CFAP69: variants seen among roughly 807,000 people sequenced by gnomAD.
CFAP69 encodes cilia- and flagella-associated protein 69.
Under a neutral mutation model 123.0 loss-of-function variants are expected in CFAP69, and 92 were observed. The ratio of observed to expected loss-of-function variants is 0.75; its 90% CI spans 0.63 to 0.89. CFAP69 has a LOEUF of 0.89. Among genes scored for constraint, CFAP69 ranks in the 40% least tolerant of loss-of-function variants. CFAP69 has a pLI of 0.00. For missense variants in CFAP69, 1,067 were observed against 1,096.9 expected, an observed-to-expected ratio of 0.97 and a Z score of 0.39; for synonymous variants, 380 against 364.3, an observed-to-expected ratio of 1.04 and a Z score of -0.49.
chr7:90,268,610 G>A (rs1459119085), intron 6 of CFAP69, among the ~76,000 whole-genome samples: 1 of 152,076 alleles, frequency 6.6e-6, no homozygotes, highest in East Asian at 1.9e-4. Flanking sequence ...GAACAAATTT[G>A]TAAAGTGATG....
At chr7:90,271,443 C>T in intron 6 of CFAP69, 83 bp from the exon 7 acceptor site, 1 of 1,408,944 alleles carries the variant, frequency 7.1e-7, no homozygotes, top group Admixed American at 2.3e-5. Flanking sequence ...CTTGCTGTTG[C>T]TTAATAATAA....
At chr7:90,307,934 T>G in intron 21 of CFAP69, 80 bp downstream of exon 21, 1 of 881,198 alleles carries the variant, frequency 1.1e-6, no homozygotes, top group Admixed American at 2.6e-5. Context: ...CAAATATTCA[T>G]TCATTTTTTC....
At chr7:90,270,595 G>A (rs1057000742) in intron 6 of CFAP69, among the ~76,000 whole-genome samples, 2 of 151,958 alleles carry the variant, frequency 1.3e-5, no homozygotes, top group African/African-American at 4.8e-5. Context: ...TCACAGCATT[G>A]GACAGGGCCT....
chr7:90,267,317 G>T (rs937368033), intron 5 of CFAP69, among the ~76,000 whole-genome samples: 3 of 152,046 alleles, frequency 2.0e-5, no homozygotes, highest in African/African-American at 7.2e-5. Context: ...TGAGCGTCTT[G>T]CAAGGGCTAA....
the CFAP69 span, chr7:90,320,784 T>TTA: frequency 1.3e-5 from 2 of 152,362 alleles, 1 homozygote; most frequent in Non-Finnish European, 2.9e-5. Flanking sequence ...TCATTTCACA[T>TTA]CGTCGAAAAT....
Position 90,274,065 on chromosome 7 carries a change from A to AGCT in CFAP69, c.940_941insCTG (p.Leu313_Val314insAla). 6.2e-7 allele frequency: 1 copy of AGCT among 1,605,810 alleles called. No homozygotes were observed. Among genetic ancestry groups the AGCT allele is most frequent in the Non-Finnish European group, 8.5e-7 (1 of 1,176,900 alleles). On this transcript the variant is annotated inframe_insertion, in exon 9 of 23. Coordinates refer to ENST00000389297, the MANE Select transcript of CFAP69 (RefSeq NM_001039706.3). Reference sequence around the variant, plus strand: ...ACCGTCAGCTTAGAAATGACATATTAGTGATCACTACAATTATAGCTCAAA... The same window carrying AGCT: ...ACCGTCAGCTTAGAAATGACATATTAGCTGTGATCACTACAATTATAGCTCAAA...
Position 90,279,702 on chromosome 7 carries a change from T to G in CFAP69, c.1181T>G (p.Leu394Trp). 2 of 1,604,512 alleles carry G rather than the reference T, an allele frequency of 1.2e-6. No homozygotes were observed. The highest frequency in any genetic ancestry group is 1.7e-6 in the Non-Finnish European group (2 of 1,176,924). Reference sequence around the variant, plus strand: ...CTATTAATTGATGGCAAAGTTATTTTGGCTTTGTTTACCTATGTTAAGAAG... The same window carrying G: ...CTATTAATTGATGGCAAAGTTATTTGGGCTTTGTTTACCTATGTTAAGAAG... ...VQLLIDGKVI[L>W]ALFTYVKKPE... is the part of the protein sequence containing the mutation. The change falls in exon 12 of 23, where the codon TTG (leucine) becomes TGG (tryptophan). Residue 394 changes from leucine (L) to tryptophan (W), a missense_variant. Transcript: ENST00000389297.
chr7:90,308,547 T>C (rs1272099319), intron 21 of CFAP69, among the ~76,000 whole-genome samples: 1 of 152,128 alleles, frequency 6.6e-6, no homozygotes, highest in African/African-American at 2.4e-5. Flanking sequence ...CCTATAGATA[T>C]AAAATTGCTA....
downstream of CFAP69, among the ~76,000 whole-genome samples, chr7:90,311,308 A>C (rs28945136): frequency 0.018 from 2,741 of 152,310 alleles, 29 homozygotes; most frequent in Middle Eastern, 0.034. Flanking sequence ...CAGAGAGACA[A>C]GGACCTGTTT....
intron 18 of CFAP69, chr7:90,304,392 T>C (rs1793241100): frequency 8.2e-7 from 1 of 1,213,770 alleles, no homozygotes; most frequent in East Asian, 4.2e-5. Flanking sequence ...AATACTGACA[T>C]TCTGAGTCAC....
At chr7:90,295,950 A>AT in intron 15 of CFAP69, among the ~76,000 whole-genome samples, 1 of 152,242 alleles carries the variant, frequency 6.6e-6, no homozygotes, top group South Asian at 2.1e-4. Flanking sequence ...TTTTGTCAGC[A>AT]TCTTGGTTTT....
Position 90,299,153 on chromosome 7 carries a change from C to T in CFAP69, c.1858-714C>T, listed in dbSNP as rs12533156. ...ATTAAAACAAAAGCTTACATATTTCCTTTGCTATATTCAAATAACAGTATA... is the reference window on the plus strand; with the variant it reads ...ATTAAAACAAAAGCTTACATATTTCTTTTGCTATATTCAAATAACAGTATA... On this transcript the variant is annotated intron_variant, in intron 16 of 22. Transcript: ENST00000389297. Among the ~76,000 whole-genome samples the T allele has an allele frequency of 9.2e-5, 14 of 152,188 alleles. No homozygotes were observed. In the East Asian group the frequency reaches 2.7e-3, roughly 29 times the overall value.
rs527245294 is a variant in CFAP69 at position 90,304,084 on chromosome 7, T to G, written c.2166T>G (p.Ile722Met). The G allele has an allele frequency of 4.1e-5, 63 of 1,550,498 alleles. No individual in the cohort carries two copies. In the Admixed American group the frequency reaches 4.5e-4, roughly 11 times the overall value. Residue 722 changes from isoleucine (I) to methionine (M), a missense_variant, in exon 18 of 23, where the codon ATT (isoleucine) becomes ATG (methionine). Physicochemically the swap from Ile to Met is conservative, Grantham distance 10 (BLOSUM62 1). Coordinates refer to ENST00000389297, the MANE Select transcript of CFAP69 (RefSeq NM_001039706.3). Reference protein sequence around the residue: ...MDVSENIRAKIYAILGKLDFE... With the variant: ...MDVSENIRAKMYAILGKLDFE... ...TTTCTGAGAATATTAGAGCAAAAAT[T>G]TATGCTATATTGGGCAAACTAGGTA... is the stretch of plus-strand genomic sequence containing the variant.
chr7:90,250,778 C>G (rs114464677), intron 1 of CFAP69, among the ~76,000 whole-genome samples: 43 of 152,192 alleles, frequency 2.8e-4, no homozygotes, highest in African/African-American at 1.0e-3. Flanking sequence ...ATTCAGAAAC[C>G]TCTGCCCCAA....
intron 16 of CFAP69, among the ~76,000 whole-genome samples, chr7:90,299,208 C>G (rs531300159): frequency 9.9e-5 from 15 of 152,200 alleles, no homozygotes; most frequent in African/African-American, 3.6e-4. Context: ...AAAAGTATTT[C>G]ACATAGAAGA....
At chr7:90,252,029 A>G (rs1797073279) in intron 1 of CFAP69, 1 of 151,768 alleles carries the variant, frequency 6.6e-6, no homozygotes. Flanking sequence ...AAAAAAAAAA[A>G]TCCTGCATTG....
intron 3 of CFAP69, among the ~76,000 whole-genome samples, chr7:90,258,873 A>T (rs1171501702): frequency 6.6e-6 from 1 of 152,192 alleles, no homozygotes; most frequent in Middle Eastern, 3.2e-3. Flanking sequence ...ATTCAGAAAG[A>T]CAATGGATGT....
intron 8 of CFAP69, among the ~76,000 whole-genome samples, chr7:90,273,458 T>C (rs1404599468): frequency 6.6e-6 from 1 of 152,172 alleles, no homozygotes; most frequent in African/African-American, 2.4e-5. Context: ...CCATGTGTAA[T>C]AGACTGGTTT....
the CFAP69 span, chr7:90,321,032 G>C: frequency 1.3e-5 from 2 of 152,278 alleles, no homozygotes; most frequent in Middle Eastern, 3.4e-3. Flanking sequence ...GGAGGAGGAC[G>C]GGGCGCCTCC....
Sources: gnomAD v4.1 joint callset for allele counts (sites outside exome capture counted in the v4.1 genomes callset) on GRCh38, gnomAD v4.1.1 for gene constraint, MANE v1.5 for transcripts, NCBI Gene and HGNC (gene_info 2026-07-23, HGNC 2026-07-21) for gene names.